The following EIF4B variants were observed in gnomAD, a reference collection of about 807,000 sequenced individuals.
EIF4B encodes the protein eukaryotic translation initiation factor 4B.
Under a neutral mutation model 79.3 loss-of-function variants are expected in EIF4B, and 8 were observed. The ratio of observed to expected loss-of-function variants is 0.10; its 90% CI spans 0.06 to 0.18. The LOEUF is 0.18. Among genes scored for constraint, EIF4B ranks in the 10% least tolerant of loss-of-function variants. The probability of loss-of-function intolerance (pLI) is 1.00; values close to 1 mark genes in which losing one functional copy is unlikely to be tolerated. For missense variants in EIF4B, 515 were observed against 792.4 expected (o/e 0.65, Z 4.20); for synonymous variants, 238 against 274.7 (o/e 0.87, Z 1.32).
intron 8 of EIF4B, among the ~76,000 whole-genome samples, chr12:53,030,478 A>G (rs1343209615): frequency 5.4e-5 from 6 of 111,318 alleles, no homozygotes; most frequent in East Asian, 3.1e-4. Context: ...CTAGAGTGCA[A>G]TGGCGCGATC....
intron 11 of EIF4B, chr12:53,037,972 T>C: frequency 3.3e-6 from 1 of 301,030 alleles, no homozygotes. Flanking sequence ...ATAGCAACAC[T>C]ATTAGCCTGG....
chr12:53,024,163 A>G (rs2120934150), intron 6 of EIF4B, among the ~76,000 whole-genome samples: 1 of 152,320 alleles, frequency 6.6e-6, no homozygotes, highest in Non-Finnish European at 1.5e-5. Flanking sequence ...TTAATTACAT[A>G]CATCACTTTA....
At chr12:53,017,850 C>T (rs1056313141) in intron 2 of EIF4B, among the ~76,000 whole-genome samples, 2 of 152,298 alleles carry the variant, frequency 1.3e-5, no homozygotes, top group Admixed American at 1.3e-4. Flanking sequence ...CTCAGCCTCC[C>T]AAAGTGCTGG....
intron 8 of EIF4B, among the ~76,000 whole-genome samples, chr12:53,029,254 G>T (rs1007345058): frequency 3.3e-5 from 5 of 151,892 alleles, no homozygotes; most frequent in African/African-American, 1.2e-4. Flanking sequence ...TGTAAACTGT[G>T]TTACAAATCT....
At chr12:53,019,267 T>G (rs1199752151) in intron 3 of EIF4B, among the ~76,000 whole-genome samples, 1 of 151,728 alleles carries the variant, frequency 6.6e-6, no homozygotes, top group Non-Finnish European at 1.5e-5. Flanking sequence ...GGCGTGGTGG[T>G]ACACGTCTGT....
At chr12:53,021,230 T>C (rs1165452169) in intron 4 of EIF4B, among the ~76,000 whole-genome samples, 1 of 152,190 alleles carries the variant, frequency 6.6e-6, no homozygotes, top group Non-Finnish European at 1.5e-5. Flanking sequence ...GAACCTAAGA[T>C]TGTAGACAAA....
At chr12:53,021,659 C>T (rs918847152) in intron 4 of EIF4B, 147 bp from the exon 5 acceptor site, 5 of 913,076 alleles carry the variant, frequency 5.5e-6, no homozygotes, top group South Asian at 1.4e-5. Flanking sequence ...ACTCTTTAGC[C>T]CACAAATTGG....
At chr12:53,006,891 C>T (rs1421309906) in intron 1 of EIF4B, among the ~76,000 whole-genome samples, 2 of 149,654 alleles carry the variant, frequency 1.3e-5, no homozygotes, top group African/African-American at 4.9e-5. Flanking sequence ...GCACATTAGA[C>T]TACGTCTCCA....
Position 53,022,381 on chromosome 12 carries a change from A to G in EIF4B, c.533-112A>G, listed in dbSNP as rs1943260076. On this transcript the variant is annotated intron_variant, in intron 5 of 14. Coordinates refer to ENST00000262056, the MANE Select transcript of EIF4B (RefSeq NM_001417.7). ...TGGGGCCTGAGGTAACTGGGATGAC[A>G]GTGTGACGTGAAAGTGAAAAATAGG... 11 of 1,458,362 alleles carry G rather than the reference A, an allele frequency of 7.5e-6. 1 individual carries two copies. The South Asian group carries it at 9.3e-5, about 12-fold the overall frequency. The allele number at this position is 1,458,362 out of a possible 1,614,324, so 90.3% of individuals were successfully genotyped here.
Position 53,036,064 on chromosome 12 carries a change from G to A in EIF4B, c.1307-1345G>A, listed in dbSNP as rs952377435. 2.0e-5 allele frequency among the ~76,000 whole-genome samples: 3 copies of A among 150,026 alleles called. No homozygotes were observed. The Admixed American group carries it at 2.0e-4, about 10-fold the overall frequency. ...CTCCCAAAGTGCTGGGATTACAGAC[G>A]TGAGCCACCATGCCTGGCCTTCTAT... On this transcript the variant is annotated intron_variant, in intron 10 of 14. Coordinates refer to ENST00000262056, the MANE Select transcript of EIF4B (RefSeq NM_001417.7).
chr12:53,039,930 G>T, intron 14 of EIF4B: 1 of 707,706 alleles, frequency 1.4e-6, no homozygotes, highest in Non-Finnish European at 2.3e-6. Flanking sequence ...CATCCCTTCT[G>T]CAAGGTGTAG....
At chr12:53,031,310 C>CG (rs1565591085) in intron 8 of EIF4B, among the ~76,000 whole-genome samples, 1 of 152,196 alleles carries the variant, frequency 6.6e-6, no homozygotes, top group African/African-American at 2.4e-5. Context: ...GGATCTCACT[C>CG]TGTCGCCCAG....
intron 1 of EIF4B, among the ~76,000 whole-genome samples, chr12:53,011,021 T>C (rs573388622): frequency 2.0e-5 from 3 of 152,174 alleles, no homozygotes; most frequent in Non-Finnish European, 4.4e-5. Context: ...CCCAGCACTT[T>C]GGGATGCCAA....
intron 8 of EIF4B, among the ~76,000 whole-genome samples, chr12:53,031,201 T>C (rs1943439671): frequency 6.6e-6 from 1 of 152,242 alleles, no homozygotes; most frequent in African/African-American, 2.4e-5. Context: ...TAGACCTGTC[T>C]AGTTTCCCCA....
intron 10 of EIF4B, among the ~76,000 whole-genome samples, chr12:53,035,983 A>C (rs1223074388): frequency 1.7e-3 from 1 of 600 alleles, no homozygotes; most frequent in African/African-American, 6.4e-3. Context: ...ATGCCCGACT[A>C]ATTTTTTGAA....
rs11503952 is a variant in EIF4B, at chr12:53,041,833, G to C, written c.*1610G>C. ...TTAAATAATTGGTGTGGATTGGCCA[G>C]TAGCTAAGAAGTGGGCTTTTAAAGA... On this transcript the variant is annotated 3_prime_UTR_variant, in exon 15 of 15. Transcript: ENST00000262056. The C allele has an allele frequency of 1.0e-3, 99 of 94,336 alleles. No individual in the cohort carries two copies. Among genetic ancestry groups the C allele is most frequent in the African/African-American group, 2.1e-3 (84 of 40,168 alleles). 5.8% of individuals were successfully genotyped at this position (94,336 alleles called of 1,614,324 possible).
intron 9 of EIF4B, 115 bp downstream of exon 9, chr12:53,034,149 G>A: frequency 4.7e-6 from 5 of 1,060,932 alleles, no homozygotes; most frequent in Admixed American, 2.5e-5. Context: ...GGTTGTCACT[G>A]ATGGGCATTT....
chr12:53,022,123 T>TA, intron 5 of EIF4B: 4 of 643,408 alleles, frequency 6.2e-6, no homozygotes, highest in Non-Finnish European at 1.1e-5. Context: ...AACAAAGAAT[T>TA]ATGCAGCCCA....
intron 8 of EIF4B, among the ~76,000 whole-genome samples, chr12:53,029,120 C>A (rs1178026065): frequency 5.4e-4 from 79 of 145,022 alleles, no homozygotes; most frequent in Non-Finnish European, 6.6e-4. Flanking sequence ...GAGACTGTCT[C>A]AAAAAAAAAA....
Sources: allele counts gnomAD v4.1 joint callset (sites outside exome capture counted in the v4.1 genomes callset), GRCh38; gene constraint gnomAD v4.1.1; transcripts MANE v1.5; gene names NCBI Gene and HGNC (gene_info 2026-07-23, HGNC 2026-07-21).